The following TBC1D5 variants were observed in gnomAD, a reference collection of about 807,000 sequenced individuals.
TBC1D5 encodes the protein TBC1 domain family member 5.
TBC1D5 carries 75 observed loss-of-function variants against 100.3 expected under a neutral mutation model. The observed-to-expected ratio is 0.75, with a 90% confidence interval of 0.62 to 0.91. TBC1D5 has a LOEUF of 0.91. TBC1D5 is among the 40% of genes least tolerant of loss of function. The probability of loss-of-function intolerance (pLI) is 0.00; values close to 1 mark genes in which losing one functional copy is unlikely to be tolerated. For synonymous variants in TBC1D5, 323 were observed against 325.6 expected (o/e 0.99, Z 0.09); for missense variants, 910 against 942.4 (o/e 0.97, Z 0.45).
chr3:17,233,894 T>C (rs562726916), intron 17 of TBC1D5, 144 bp from the exon 18 acceptor site: 2 of 498,508 alleles, frequency 4.0e-6, no homozygotes, highest in Admixed American at 7.7e-5. Context: ...CTTAGAAAAA[T>C]ATAAAATATT....
intron 2 of TBC1D5, among the ~76,000 whole-genome samples, chr3:17,603,078 T>G (rs1178218258): frequency 6.6e-6 from 1 of 151,106 alleles, no homozygotes; most frequent in African/African-American, 2.4e-5. Context: ...TTCAGATCTG[T>G]GGACTATCTC....
intron 18 of TBC1D5, among the ~76,000 whole-genome samples, chr3:17,186,034 GTT>G (rs1352828832): frequency 2.2e-5 from 3 of 134,740 alleles, no homozygotes; most frequent in Non-Finnish European, 3.2e-5. Flanking sequence ...GATTATCGGA[GTT>G]TTTTTTTTTT....
chr3:17,178,148 C>T (rs938106921), intron 19 of TBC1D5, among the ~76,000 whole-genome samples: 2 of 148,226 alleles, frequency 1.3e-5, no homozygotes, highest in African/African-American at 5.0e-5. Flanking sequence ...TCACTGCAAG[C>T]TCTGCCTCCT....
In TBC1D5 at chr3:17,230,660, A is replaced by C. The variant is rs1032191134; in HGVS notation, c.1588+7503T>G. 5.3e-5 allele frequency among the ~76,000 whole-genome samples: 8 copies of C among 152,238 alleles called. No individual in the cohort carries two copies. In the South Asian group the frequency reaches 1.7e-3, roughly 32 times the overall value. On this transcript the variant is annotated intron_variant, in intron 17 of 21. Coordinates refer to ENST00000253692, the Ensembl canonical transcript of TBC1D5. ...TCTGTGCGTATGTATATGCATATTTACATCCATAACACAAATGTATATATA... is the reference window on the plus strand; with the variant it reads ...TCTGTGCGTATGTATATGCATATTTCCATCCATAACACAAATGTATATATA...
intron 1 of TBC1D5, among the ~76,000 whole-genome samples, chr3:17,738,608 A>T (rs561608055): frequency 3.5e-4 from 53 of 152,332 alleles, no homozygotes; most frequent in African/African-American, 1.1e-3. Flanking sequence ...TGTGCAACAA[A>T]TGCTTCCCTG....
intron 16 of TBC1D5, among the ~76,000 whole-genome samples, chr3:17,249,779 A>T (rs920643246): frequency 6.6e-6 from 1 of 152,138 alleles, no homozygotes; most frequent in African/African-American, 2.4e-5. Flanking sequence ...AGGCCCAAGG[A>T]AAGGGAGAAA....
At chr3:17,566,332 G>A (rs1215935009) in intron 2 of TBC1D5, among the ~76,000 whole-genome samples, 1 of 151,830 alleles carries the variant, frequency 6.6e-6, no homozygotes, top group Non-Finnish European at 1.5e-5. Context: ...AAACTGATAA[G>A]TAGGGACAAA....
intron 1 of TBC1D5, among the ~76,000 whole-genome samples, chr3:17,641,202 G>T (rs1157605499): frequency 3.3e-5 from 5 of 152,124 alleles, no homozygotes; most frequent in African/African-American, 4.8e-5. Flanking sequence ...GGGGTCCTAT[G>T]AATTAGTCCA....
At chr3:17,697,033 G>C (rs1369666129) in intron 1 of TBC1D5, among the ~76,000 whole-genome samples, 1 of 152,126 alleles carries the variant, frequency 6.6e-6, no homozygotes, top group Non-Finnish European at 1.5e-5. Flanking sequence ...ATGCAGAAAA[G>C]GCCTTCGACA....
chr3:17,675,194 A>G (rs1384662475), intron 1 of TBC1D5, among the ~76,000 whole-genome samples: 1 of 151,814 alleles, frequency 6.6e-6, no homozygotes, highest in Non-Finnish European at 1.5e-5. Context: ...AGTCTGAGTT[A>G]CAGATAACTC....
chr3:17,703,775 T>C (rs2073543520), intron 1 of TBC1D5, among the ~76,000 whole-genome samples: 1 of 152,136 alleles, frequency 6.6e-6, no homozygotes, highest in South Asian at 2.1e-4. Flanking sequence ...GAACCCAAAA[T>C]TGCTATAGTG....
intron 13 of TBC1D5, among the ~76,000 whole-genome samples, chr3:17,368,425 G>T (rs2092289247): frequency 1.3e-5 from 2 of 151,982 alleles, no homozygotes; most frequent in South Asian, 4.1e-4. Context: ...GCAAAATTTA[G>T]TGACAAATAT....
At chr3:17,282,099 A>G (rs2080671040) in intron 15 of TBC1D5, among the ~76,000 whole-genome samples, 1 of 152,222 alleles carries the variant, frequency 6.6e-6, no homozygotes, top group African/African-American at 2.4e-5. Context: ...TAGAGATTAT[A>G]GGCTAATTAA....
intron 21 of TBC1D5, among the ~76,000 whole-genome samples, chr3:17,161,758 C>T (rs2066080661): frequency 6.6e-6 from 1 of 152,170 alleles, no homozygotes; most frequent in Admixed American, 6.5e-5. Context: ...ATGTGAGCTG[C>T]CAGATCTGGA....
chr3:17,445,815 G>A (rs1365782082), intron 3 of TBC1D5, among the ~76,000 whole-genome samples: 1 of 152,108 alleles, frequency 6.6e-6, no homozygotes, highest in African/African-American at 2.4e-5. Context: ...TGATTTCAGG[G>A]ATCCACTTCA....
At chr3:17,690,584 A>T (rs1311036700) in intron 1 of TBC1D5, among the ~76,000 whole-genome samples, 2 of 152,232 alleles carry the variant, frequency 1.3e-5, no homozygotes, top group Admixed American at 1.3e-4. Context: ...GCAAAGCTTC[A>T]TCTGTATTTA....
At chr3:17,350,016 CT>C (rs2090365962) in intron 13 of TBC1D5, among the ~76,000 whole-genome samples, 1 of 152,066 alleles carries the variant, frequency 6.6e-6, no homozygotes, top group Non-Finnish European at 1.5e-5. Context: ...TGTTTCATAA[CT>C]TTTATTTATT....
At chr3:17,677,627 C>T (rs552532437) in intron 1 of TBC1D5, among the ~76,000 whole-genome samples, 35 of 152,258 alleles carry the variant, frequency 2.3e-4, no homozygotes, top group African/African-American at 7.9e-4. Context: ...GCCATTTGAC[C>T]CAGCCATCCC....
At position 17,524,941 on chromosome 3, in the gene TBC1D5, T is replaced by TA. The variant is rs563661503; in HGVS notation, c.-35-16337dup. ...GGTAGGAATTTAAAATGCTCTGATGTAAAAAAAAAAAAATATGTACACAGC... is the reference window on the plus strand; with the variant it reads ...GGTAGGAATTTAAAATGCTCTGATGTAAAAAAAAAAAAAATATGTACACAGC... On this transcript the variant is annotated intron_variant, in intron 2 of 21. Transcript: ENST00000253692. Among the ~76,000 whole-genome samples, 386 of 144,320 alleles carry TA rather than the reference T, an allele frequency of 2.7e-3. 5 individuals carry two copies. The South Asian group carries it at 0.039, about 15-fold the overall frequency. The allele number at this position is 144,320 out of a possible 152,430, so 94.7% of individuals were successfully genotyped here.
Sources: gnomAD v4.1 joint callset for allele counts (sites outside exome capture counted in the v4.1 genomes callset) on GRCh38, gnomAD v4.1.1 for gene constraint, MANE v1.5 for transcripts, NCBI Gene and HGNC (gene_info 2026-07-23, HGNC 2026-07-21) for gene names.